XKR6: variants seen among roughly 807,000 people sequenced by gnomAD.
The protein encoded by XKR6 is XK-related protein 6.
Under a neutral mutation model 56.7 loss-of-function variants are expected in XKR6, and 22 were observed. That is an observed-to-expected ratio of 0.39 (90% confidence interval 0.28 to 0.55). The LOEUF (loss-of-function observed/expected upper bound fraction) is 0.55, where lower values mean the gene tolerates loss of function less well. Among genes scored for constraint, XKR6 ranks in the 20% least tolerant of loss-of-function variants. The pLI, the probability that XKR6 is intolerant of heterozygous loss-of-function variation, is 0.66. For synonymous variants in XKR6, 524 were observed against 387.8 expected (o/e 1.35, Z -4.13); for missense variants, 852 against 889.0 (o/e 0.96, Z 0.53).
chr8:11,051,597 T>TG (rs1799549655), intron 1 of XKR6, among the ~76,000 whole-genome samples: 1 of 152,212 alleles, frequency 6.6e-6, no homozygotes. Flanking sequence ...GCCCCATGCC[T>TG]GATCCTTCTT....
At chr8:11,099,215 C>T (rs1268740859) in intron 1 of XKR6, among the ~76,000 whole-genome samples, 1 of 152,206 alleles carries the variant, frequency 6.6e-6, no homozygotes, top group Non-Finnish European at 1.5e-5. Context: ...AGCAGGAGGG[C>T]AATCGTCCAA....
intron 1 of XKR6, among the ~76,000 whole-genome samples, chr8:10,941,686 C>A (rs113031974): frequency 6.6e-6 from 1 of 152,240 alleles, no homozygotes; most frequent in Non-Finnish European, 1.5e-5. Context: ...TCAGAGCCTA[C>A]AGTCTGTGTG....
chr8:10,927,886 T>C (rs941719474), intron 1 of XKR6, among the ~76,000 whole-genome samples: 9 of 152,208 alleles, frequency 5.9e-5, no homozygotes, highest in African/African-American at 1.9e-4. Context: ...GCAAAACCGT[T>C]TGGACAGCAT....
chr8:11,056,008 C>T (rs544302788), intron 1 of XKR6, among the ~76,000 whole-genome samples: 12 of 152,262 alleles, frequency 7.9e-5, no homozygotes, highest in East Asian at 1.9e-4. Flanking sequence ...CCTGTGCAGC[C>T]CTTGGGTCTC....
At chr8:10,932,148 C>T (rs900326313) in intron 1 of XKR6, among the ~76,000 whole-genome samples, 6 of 152,028 alleles carry the variant, frequency 3.9e-5, no homozygotes, top group Non-Finnish European at 1.5e-5. Context: ...TGAAAAAAAC[C>T]CCACAATGAG....
At chr8:11,090,148 A>G (rs545685697) in intron 1 of XKR6, among the ~76,000 whole-genome samples, 1 of 152,256 alleles carries the variant, frequency 6.6e-6, no homozygotes, top group South Asian at 2.1e-4. Flanking sequence ...CAGTGGTGCA[A>G]ATTATAGCTC....
chr8:11,074,961 T>A (rs540171693), intron 1 of XKR6, among the ~76,000 whole-genome samples: 12 of 152,248 alleles, frequency 7.9e-5, no homozygotes, highest in Admixed American at 5.2e-4. Context: ...AGTGTCCCCA[T>A]GGGGCAGCAG....
rs186327344 is a variant in XKR6, at chr8:11,135,325, G to A, written c.764+65251C>T. Reference sequence around the variant, plus strand: ...ATTACAGGCGTGAGCCACCATGCCCGGCCAAAAAGCCCTAAATTTTTTAAT... The same window carrying A: ...ATTACAGGCGTGAGCCACCATGCCCAGCCAAAAAGCCCTAAATTTTTTAAT... On this transcript the variant is annotated intron_variant, in intron 1 of 2. Transcript: ENST00000416569. 7.2e-5 allele frequency among the ~76,000 whole-genome samples: 11 copies of A among 152,140 alleles called. No homozygotes were observed. The South Asian group carries it at 8.3e-4, about 11-fold the overall frequency.
intron 1 of XKR6, among the ~76,000 whole-genome samples, chr8:11,193,813 G>A (rs1162894983): frequency 7.1e-6 from 1 of 140,790 alleles, no homozygotes; most frequent in African/African-American, 2.7e-5. Context: ...GGCTTAAACA[G>A]ATACGCATAT....
At chr8:10,976,567 G>A (rs1355646285) in intron 1 of XKR6, among the ~76,000 whole-genome samples, 1 of 152,202 alleles carries the variant, frequency 6.6e-6, no homozygotes, top group Non-Finnish European at 1.5e-5. Context: ...ATGGTTACCA[G>A]GTGTCTGCTA....
chr8:11,174,829 G>A (rs758811132), intron 1 of XKR6, among the ~76,000 whole-genome samples: 9 of 152,270 alleles, frequency 5.9e-5, no homozygotes, highest in East Asian at 1.9e-4. Context: ...ACAAGAGAAC[G>A]GATGATCAAC....
intron 1 of XKR6, among the ~76,000 whole-genome samples, chr8:10,927,198 G>A (rs554479147): frequency 1.3e-5 from 2 of 152,298 alleles, no homozygotes; most frequent in East Asian, 3.9e-4. Context: ...AACCGTGATG[G>A]CAGTGCGGGG....
intron 1 of XKR6, among the ~76,000 whole-genome samples, chr8:11,160,833 A>C (rs890796417): frequency 2.1e-5 from 3 of 141,906 alleles, no homozygotes; most frequent in African/African-American, 8.1e-5. Context: ...AAACCCTTGA[A>C]CCCGGGAGGC....
At chr8:11,173,839 A>G (rs1802509891) in intron 1 of XKR6, among the ~76,000 whole-genome samples, 1 of 152,184 alleles carries the variant, frequency 6.6e-6, no homozygotes, top group Admixed American at 6.5e-5. Flanking sequence ...CCCACAAGTC[A>G]CTACTAGAAT....
chr8:11,138,558 G>A (rs746590742), intron 1 of XKR6: 3 of 152,174 alleles, frequency 2.0e-5, no homozygotes, highest in Non-Finnish European at 2.9e-5. Flanking sequence ...AAATAATTAA[G>A]TGGAGAAACC....
chr8:10,931,315 G>T (rs1801043719), intron 1 of XKR6, among the ~76,000 whole-genome samples: 1 of 152,152 alleles, frequency 6.6e-6, no homozygotes, highest in Non-Finnish European at 1.5e-5. Context: ...CATGTTCAGG[G>T]ATTGGAAGAT....
chr8:11,103,726 G>A (rs1380263024), intron 1 of XKR6, among the ~76,000 whole-genome samples: 1 of 152,142 alleles, frequency 6.6e-6, no homozygotes, highest in African/African-American at 2.4e-5. Flanking sequence ...TCTGTGTCAA[G>A]GTACCCAGTC....
chr8:11,093,789 T>G (rs1328171575), intron 1 of XKR6, among the ~76,000 whole-genome samples: 1 of 152,152 alleles, frequency 6.6e-6, no homozygotes, highest in African/African-American at 2.4e-5. Context: ...TAATTTTTTT[T>G]GTTTGTTTTT....
intron 2 of XKR6, among the ~76,000 whole-genome samples, chr8:10,922,369 G>A (rs1373190106): frequency 6.6e-6 from 1 of 152,236 alleles, no homozygotes; most frequent in Non-Finnish European, 1.5e-5. Context: ...GGTTGGATAT[G>A]GAGGCCTCAC....
Sources: allele counts gnomAD v4.1 joint callset (sites outside exome capture counted in the v4.1 genomes callset), GRCh38; gene constraint gnomAD v4.1.1; transcripts MANE v1.5; gene names NCBI Gene and HGNC (gene_info 2026-07-23, HGNC 2026-07-21).